The following KANSL1L variants were observed in gnomAD, a reference collection of about 807,000 sequenced individuals.
KANSL1L encodes the protein KAT8 regulatory NSL complex subunit 1-like protein.
KANSL1L carries 25 observed loss-of-function variants against 108.6 expected under a neutral mutation model. The observed-to-expected ratio is 0.23, with a 90% CI of 0.17 to 0.32. The LOEUF is 0.32. Among genes scored for constraint, KANSL1L ranks in the 10% least tolerant of loss-of-function variants. The pLI, the probability that KANSL1L is intolerant of heterozygous loss-of-function variation, is 1.00. For missense variants in KANSL1L, 1,137 were observed against 1,125.7 expected, an observed-to-expected ratio of 1.01 and a Z score of -0.14; for synonymous variants, 405 against 395.1, an observed-to-expected ratio of 1.03 and a Z score of -0.30.
chr2:210,043,696 C>G (rs2094192970), intron 7 of KANSL1L: 1 of 322,830 alleles, frequency 3.1e-6, no homozygotes, highest in Non-Finnish European at 5.6e-6. Context: ...CTAGTAATTT[C>G]CCAAAGTAAA....
At position 210,027,351 on chromosome 2, in the gene KANSL1L, C is replaced by A. The variant is rs2093952394; in HGVS notation, c.2397-1G>T. On this transcript the variant is annotated splice_acceptor_variant, in intron 11 of 14. Transcript: ENST00000281772. LOFTEE classifies it high-confidence loss of function. ...AGGCTGAAGAACAACCATCCTCCAG[C>A]TGTTGAAGATAAAAACCAATTTTAA... 6.2e-7 allele frequency: 1 copy of A among 1,611,746 alleles called. No homozygotes were observed. Among genetic ancestry groups the A allele is most frequent in the South Asian group, 1.1e-5 (1 of 91,000 alleles).
chr2:210,023,726 T>C (rs573667859), intron 14 of KANSL1L, among the ~76,000 whole-genome samples: 3 of 152,284 alleles, frequency 2.0e-5, no homozygotes, highest in South Asian at 4.1e-4. Flanking sequence ...GAGAAAGAAA[T>C]AGCAGCTAAC....
intron 2 of KANSL1L, chr2:210,152,385 A>G (rs1322927433): frequency 6.6e-6 from 1 of 152,252 alleles, no homozygotes; most frequent in Admixed American, 6.5e-5. Flanking sequence ...AAATATCCAC[A>G]TAAGTCTAGT....
chr2:210,024,495 T>G (rs1003182998), intron 13 of KANSL1L, among the ~76,000 whole-genome samples: 1 of 152,142 alleles, frequency 6.6e-6, no homozygotes, highest in Admixed American at 6.5e-5. Context: ...AGATGCTCCT[T>G]AACTAAAGTG....
chr2:210,171,043 G>A (rs1368884054), intron 1 of KANSL1L, 106 bp downstream of exon 1: 2 of 152,452 alleles, frequency 1.3e-5, no homozygotes, highest in African/African-American at 4.8e-5. Flanking sequence ...TCGGTCGCCT[G>A]ACCCGCAAGT....
intron 5 of KANSL1L, among the ~76,000 whole-genome samples, chr2:210,083,794 A>C (rs947855057): frequency 7.0e-6 from 1 of 143,452 alleles, no homozygotes; most frequent in Admixed American, 7.4e-5. Context: ...ATGCCACTGC[A>C]CTCCAGCCCT....
At chr2:210,162,367 T>C (rs1375822456) in intron 1 of KANSL1L, among the ~76,000 whole-genome samples, 3 of 151,640 alleles carry the variant, frequency 2.0e-5, no homozygotes, top group Non-Finnish European at 4.4e-5. Context: ...GGTTTTTAGC[T>C]TGAGCAACTG....
At chr2:210,065,514 T>C (rs1183423681) in intron 6 of KANSL1L, among the ~76,000 whole-genome samples, 4 of 151,346 alleles carry the variant, frequency 2.6e-5, no homozygotes, top group African/African-American at 9.7e-5. Flanking sequence ...AGGATGAGAC[T>C]GTAAGACCCT....
intron 7 of KANSL1L, among the ~76,000 whole-genome samples, chr2:210,042,718 CATT>C (rs2094178678): frequency 6.6e-6 from 1 of 152,072 alleles, no homozygotes; most frequent in South Asian, 2.1e-4. Flanking sequence ...ATGTTAGCTA[CATT>C]ATTATTGTTA....
At chr2:210,146,507 T>C (rs1233361256) in intron 2 of KANSL1L, among the ~76,000 whole-genome samples, 1 of 152,256 alleles carries the variant, frequency 6.6e-6, no homozygotes, top group African/African-American at 2.4e-5. Flanking sequence ...TTTCTCCATA[T>C]AGGACATAAA....
chr2:210,118,134 C>A (rs1419311039), intron 3 of KANSL1L, among the ~76,000 whole-genome samples: 1 of 149,550 alleles, frequency 6.7e-6, no homozygotes, highest in Non-Finnish European at 1.5e-5. Context: ...CCATTGTACT[C>A]CAGCCTGGGC....
chr2:210,154,662 CT>C, intron 1 of KANSL1L, 51 bp from the exon 2 acceptor site: 1 of 1,203,152 alleles, frequency 8.3e-7, no homozygotes, highest in Non-Finnish European at 1.1e-6. Context: ...AAATTTTATG[CT>C]TATACTTTTT....
intron 6 of KANSL1L, among the ~76,000 whole-genome samples, chr2:210,058,993 C>T (rs2094390144): frequency 6.6e-6 from 1 of 151,868 alleles, no homozygotes; most frequent in Non-Finnish European, 1.5e-5. Context: ...TTAGGGAAAA[C>T]AGAAAAGAAC....
intron 1 of KANSL1L, among the ~76,000 whole-genome samples, chr2:210,164,460 A>G (rs1375582809): frequency 6.6e-6 from 1 of 152,166 alleles, no homozygotes; most frequent in Admixed American, 6.5e-5. Context: ...TCCTTGCTAA[A>G]TCTAAGAAAT....
rs568281835 is a variant in KANSL1L, at chr2:210,153,984, A to G, written c.599T>C (p.Ile200Thr). The change falls in exon 2 of 15, where the codon ATT becomes ACT. Residue 200 changes from isoleucine (I) to threonine (T), a missense_variant. Ile to Thr is a moderately conservative substitution (Grantham distance 89, BLOSUM62 -1). This residue lies in a region of KANSL1L where 556 missense variants were observed against 537.7 expected (regional missense o/e 1.03). Coordinates refer to ENST00000281772, the MANE Select transcript of KANSL1L (RefSeq NM_152519.4). ...AGGCACATTTGAGTGGCCAGGTACA[A>G]TTTTCTTTTGAGTACAGTGCAATAA... Reference protein sequence around the residue: ...KGLLHCTQKKIVPGHSNVPVS... With the variant: ...KGLLHCTQKKTVPGHSNVPVS... 5 of 1,613,694 alleles carry G rather than the reference A, an allele frequency of 3.1e-6. No individual in the cohort carries two copies. The African/African-American group carries it at 6.7e-5, about 22-fold the overall frequency.
intron 5 of KANSL1L, among the ~76,000 whole-genome samples, chr2:210,092,045 G>A (rs1231115853): frequency 6.6e-6 from 1 of 152,124 alleles, no homozygotes; most frequent in African/African-American, 2.4e-5. Flanking sequence ...GTCTAACTAT[G>A]TTTCAATTAA....
At chr2:210,059,339 G>A (rs1168018445) in intron 6 of KANSL1L, among the ~76,000 whole-genome samples, 2 of 152,142 alleles carry the variant, frequency 1.3e-5, no homozygotes, top group Non-Finnish European at 2.9e-5. Context: ...TCCCACTTCC[G>A]CCAGCACAGC....
chr2:210,031,371 T>C (rs1382502126), intron 9 of KANSL1L, 50 bp downstream of exon 9: 2 of 1,358,070 alleles, frequency 1.5e-6, no homozygotes, highest in Non-Finnish European at 2.0e-6. Context: ...AATCAGAATT[T>C]TTAATTTTTA....
chr2:210,138,325 GA>G (rs957255076), intron 2 of KANSL1L, among the ~76,000 whole-genome samples: 1 of 152,000 alleles, frequency 6.6e-6, no homozygotes, highest in African/African-American at 2.4e-5. Flanking sequence ...GAGGGGAGAG[GA>G]AGGGGGTGGG....
Sources: allele counts gnomAD v4.1 joint callset (sites outside exome capture counted in the v4.1 genomes callset), GRCh38; gene constraint gnomAD v4.1.1; regional missense constraint gnomAD v4.1.1; transcripts MANE v1.5; gene names NCBI Gene and HGNC (gene_info 2026-07-23, HGNC 2026-07-21).